Variants in RBBP6 observed in about 807,000 individuals in gnomAD.
RBBP6 encodes E3 ubiquitin-protein ligase RBBP6.
RBBP6 carries 25 observed loss-of-function variants against 167.7 expected under a neutral mutation model. The ratio of observed to expected loss-of-function variants is 0.15; its 90% CI spans 0.11 to 0.21. RBBP6 has a LOEUF of 0.21. Among genes scored for constraint, RBBP6 ranks in the 10% least tolerant of loss-of-function variants. The pLI is 1.00. For missense variants in RBBP6, 1,868 were observed against 2,134.2 expected (o/e 0.88, Z 2.46); for synonymous variants, 789 against 735.8 (o/e 1.07, Z -1.17).
At chr16:24,548,033 GTT>G (rs138805241) in intron 2 of RBBP6, among the ~76,000 whole-genome samples, 93 of 149,464 alleles carry the variant, frequency 6.2e-4, no homozygotes, top group African/African-American at 2.3e-3. Flanking sequence ...TCAAAGCTCA[GTT>G]TTTTTTTTAT....
At position 24,565,648 on chromosome 16, in the gene RBBP6, AC is replaced by A. The variant is rs200965663; in HGVS notation, c.1589+789del. ...GATCATCTAAGGTGGAACAGTTTTT[AC>A]CCCCCTGCCCCCGTCCATGGAAAAA... On this transcript the variant is annotated intron_variant, in intron 14 of 17. Coordinates refer to ENST00000319715, the MANE Select transcript of RBBP6 (RefSeq NM_006910.5). Among the ~76,000 whole-genome samples, 973 of 151,752 alleles carry A rather than the reference AC, an allele frequency of 6.4e-3. 35 individuals are homozygous for A. Among genetic ancestry groups the A allele is most frequent in the Non-Finnish European group, 1.9e-3 (131 of 67,890 alleles).
chr16:24,569,264 G>C lies in RBBP6; in HGVS notation c.2574G>C (p.Glu858Asp). ...GAQPRPSANR[E>D]NFSPERFLPL... ...AGCCTAGACCCTCAGCAAATAGAGA[G>C]AACTTTTCTCCAGAGAGATTTTTGC... The change falls in exon 17 of 18, where the codon GAG (glutamate) becomes GAC (aspartate). Residue 858 changes from glutamate (E) to aspartate (D), a missense_variant. By Grantham distance (45) the Glu-to-Asp change is conservative. This residue lies in a region of RBBP6 where 673 missense variants were observed against 691.5 expected (regional missense o/e 0.97). Coordinates refer to ENST00000319715, the MANE Select transcript of RBBP6 (RefSeq NM_006910.5). The C allele has an allele frequency of 6.2e-7, 1 of 1,612,278 alleles. No homozygotes were observed.
chr16:24,570,808 A>T (rs1899308007), intron 17 of RBBP6, 68 bp from the exon 18 acceptor site: 4 of 1,210,322 alleles, frequency 3.3e-6, no homozygotes, highest in Non-Finnish European at 4.3e-6. Context: ...GCATTTTTAT[A>T]TTTATCAGTG....
At chr16:24,552,743 G>C (rs1428492340) in intron 3 of RBBP6, among the ~76,000 whole-genome samples, 3 of 151,774 alleles carry the variant, frequency 2.0e-5, no homozygotes, top group Non-Finnish European at 3.0e-5. Flanking sequence ...CAGTGTTAGA[G>C]AATTGGCAGT....
chr16:24,563,753 T>G, intron 13 of RBBP6, 89 bp downstream of exon 13: 1 of 1,259,008 alleles, frequency 7.9e-7, no homozygotes, highest in Non-Finnish European at 1.1e-6. Context: ...TAATGGAAGG[T>G]CCAAACTAGG....
At chr16:24,558,603 T>A in intron 7 of RBBP6, 5 of 739,688 alleles carry the variant, frequency 6.8e-6, no homozygotes, top group Non-Finnish European at 6.6e-6. Flanking sequence ...TGTTCCTGAA[T>A]GAAATAGAAA....
Position 24,571,772 on chromosome 16 carries a change from G to T in RBBP6, c.4706G>T (p.Arg1569Leu). The change falls in exon 18 of 18, where the codon CGT (arginine) becomes CTT (leucine). Residue 1569 changes from arginine to leucine, a missense_variant. By Grantham distance (102) the Arg-to-Leu change is moderately radical. Transcript: ENST00000319715. ...KSVDKNPCKD[R>L]EKHVLEARNN... ...GTAGATAAAAATCCTTGTAAGGATC[G>T]TGAGAAGCATGTATTAGAAGCAAGG... 1 of 1,613,970 alleles carries T rather than the reference G, an allele frequency of 6.2e-7. No individual in the cohort carries two copies. The highest frequency in any genetic ancestry group is 8.5e-7 in the Non-Finnish European group (1 of 1,179,896).
chr16:24,553,620 G>A, intron 4 of RBBP6, 63 bp downstream of exon 4: 2 of 1,363,438 alleles, frequency 1.5e-6, no homozygotes, highest in South Asian at 2.8e-5. Context: ...TTTTTTATGT[G>A]GAACGGTTTT....
intron 1 of RBBP6, among the ~76,000 whole-genome samples, chr16:24,544,849 G>A (rs926102846): frequency 6.6e-6 from 1 of 152,154 alleles, no homozygotes; most frequent in African/African-American, 2.4e-5. Flanking sequence ...ACTGAAGCCA[G>A]GAACCCAGGG....
chr16:24,546,346 T>G (rs1418099932), intron 2 of RBBP6, 84 bp downstream of exon 2: 1 of 1,357,044 alleles, frequency 7.4e-7, no homozygotes, highest in Non-Finnish European at 9.5e-7. Context: ...ATTTTAGAAC[T>G]GAACTCATTA....
At chr16:24,541,421 T>C (rs1898494794) in intron 1 of RBBP6, among the ~76,000 whole-genome samples, 1 of 152,218 alleles carries the variant, frequency 6.6e-6, no homozygotes, top group Admixed American at 6.5e-5. Context: ...TGTGTGTCAA[T>C]TCCAGAATTA....
At chr16:24,564,753 C>T in intron 13 of RBBP6, 44 bp from the exon 14 acceptor site, 2 of 1,601,610 alleles carry the variant, frequency 1.2e-6, no homozygotes, top group Non-Finnish European at 1.7e-6. Flanking sequence ...ATGTATTATA[C>T]CCATGGAGAA....
At chr16:24,563,017 A>G (rs114057711) in intron 10 of RBBP6, among the ~76,000 whole-genome samples, 182 bp from the exon 11 acceptor site, 272 of 152,190 alleles carry the variant, frequency 1.8e-3, no homozygotes, top group African/African-American at 6.1e-3. Flanking sequence ...TTACTTTTCC[A>G]CTTACTACAT....
At position 24,555,817 on chromosome 16, in the gene RBBP6, T is replaced by G; in HGVS notation, c.438-4T>G. 2 of 1,603,658 alleles carry G rather than the reference T, an allele frequency of 1.2e-6. No individual in the cohort carries two copies. Among genetic ancestry groups the G allele is most frequent in the Non-Finnish European group, 8.5e-7 (1 of 1,170,546 alleles). On this transcript the variant is annotated splice_region_variant and splice_polypyrimidine_tract_variant and intron_variant, in intron 5 of 17. Transcript: ENST00000319715. Reference sequence around the variant, plus strand: ...ATACATGTAATTTTTTTTCCCCCTTTTAGTTACATGAAGAAACCTCTAGGT... The same window carrying G: ...ATACATGTAATTTTTTTTCCCCCTTGTAGTTACATGAAGAAACCTCTAGGT...
Position 24,561,625 on chromosome 16 carries a change from A to G in RBBP6, c.861A>G (p.Ala287=). 6.2e-7 allele frequency: 1 copy of G among 1,613,456 alleles called. No individual in the cohort carries two copies. Among genetic ancestry groups the G allele is most frequent in the South Asian group, 1.1e-5 (1 of 91,048 alleles). Reference sequence around the variant, plus strand: ...TCTTATACATAGGTATAAGAACAGCACTCCTGGAATCAGATGAGCACACAT... The same window carrying G: ...TCTTATACATAGGTATAAGAACAGCGCTCCTGGAATCAGATGAGCACACAT... ...NSYCDECIRT[A]LLESDEHTCP... The change falls in exon 9 of 18, where the codon GCA becomes GCG. Residue 287 remains alanine (A), a synonymous_variant. Transcript: ENST00000319715.
chr16:24,558,897 G>T (rs1212672716), intron 7 of RBBP6, among the ~76,000 whole-genome samples: 1 of 152,092 alleles, frequency 6.6e-6, no homozygotes, highest in Non-Finnish European at 1.5e-5. Context: ...CTAATAAGTA[G>T]ATCATGGGTT....
In RBBP6 at chr16:24,569,103, CCAT is replaced by C; in HGVS notation, c.2414_2416del (p.Pro805_Tyr806delinsHis). ...TAATAGATACAGAGAAGTTCCACCACCATATGACATGAAAGCATATTATGGGAG... is the reference window on the plus strand; with the variant it reads ...TAATAGATACAGAGAAGTTCCACCACATGACATGAAAGCATATTATGGGAG... On this transcript the variant is annotated inframe_deletion, in exon 17 of 18. Coordinates refer to ENST00000319715, the MANE Select transcript of RBBP6 (RefSeq NM_006910.5). The C allele has an allele frequency of 6.2e-7, 1 of 1,613,706 alleles. No individual in the cohort carries two copies. Among genetic ancestry groups the C allele is most frequent in the Non-Finnish European group, 8.5e-7 (1 of 1,179,872 alleles).
intron 3 of RBBP6, chr16:24,549,290 A>G (rs918435329): frequency 8.4e-7 from 1 of 1,188,146 alleles, no homozygotes. Flanking sequence ...GTTTTACACT[A>G]AGGAACATGA....
chr16:24,564,686 G>A (rs1246685457), intron 13 of RBBP6, 111 bp from the exon 14 acceptor site: 20 of 1,356,816 alleles, frequency 1.5e-5, no homozygotes, highest in Non-Finnish European at 1.9e-5. Context: ...TGGGGAGTAG[G>A]AAAAAGTTTT....
Sources: gnomAD v4.1 joint callset for allele counts (sites outside exome capture counted in the v4.1 genomes callset) on GRCh38, gnomAD v4.1.1 for gene constraint, gnomAD v4.1.1 regional missense constraint, MANE v1.5 for transcripts, NCBI Gene and HGNC (gene_info 2026-07-23, HGNC 2026-07-21) for gene names.